IKZF1: variants seen among roughly 807,000 people sequenced by gnomAD.
The protein encoded by IKZF1 is IKAROS family zinc finger 1.
A neutral mutation model predicts 51.7 loss-of-function variants in IKZF1; 10 were observed. The ratio of observed to expected loss-of-function variants is 0.19; its 90% confidence interval spans 0.12 to 0.33. The LOEUF (loss-of-function observed/expected upper bound fraction) is 0.33. Ranked by LOEUF, IKZF1 falls within the 10% of genes least tolerant of loss-of-function variation. The pLI is 1.00. For synonymous variants in IKZF1, 280 were observed against 282.3 expected (o/e 0.99, Z 0.08); for missense variants, 484 against 707.5 (o/e 0.68, Z 3.58).
At chr7:50,375,876 A>G (rs1304941140) in intron 3 of IKZF1, among the ~76,000 whole-genome samples, 2 of 152,200 alleles carry the variant, frequency 1.3e-5, no homozygotes, top group Non-Finnish European at 2.9e-5. Flanking sequence ...TTTTTATGTT[A>G]TTTAAGATAA....
intron 5 of IKZF1, among the ~76,000 whole-genome samples, chr7:50,383,188 A>G (rs547607088): frequency 6.6e-6 from 1 of 152,334 alleles, no homozygotes; most frequent in South Asian, 2.1e-4. Flanking sequence ...GCACCCACCC[A>G]GACTGAGCCC....
chr7:50,369,523 GT>G (rs1265527806), intron 3 of IKZF1: 1 of 398,492 alleles, frequency 2.5e-6, no homozygotes, highest in Admixed American at 4.4e-5. Flanking sequence ...TCTCCCCAGT[GT>G]TGGAATTGTG....
rs1237575457 is a variant in IKZF1 at position 50,403,347 on chromosome 7, C to T, written c.*2720C>T. On this transcript the variant is annotated 3_prime_UTR_variant, in exon 8 of 8. Transcript: ENST00000331340. ...ACTTCACACTTTTTTTGCGTAGTTT[C>T]TTCTGTTGTATGATGGCGTGAGTGT... 4.5e-6 allele frequency: 1 copy of T among 222,796 alleles called. No individual in the cohort carries two copies. Among genetic ancestry groups the T allele is most frequent in the Non-Finnish European group, 9.0e-6 (1 of 111,574 alleles). 13.8% of individuals were successfully genotyped at this position (222,796 alleles called of 1,614,324 possible).
At chr7:50,363,992 G>T (rs1806047553) in intron 3 of IKZF1, among the ~76,000 whole-genome samples, 1 of 152,152 alleles carries the variant, frequency 6.6e-6, no homozygotes, top group Non-Finnish European at 1.5e-5. Context: ...TCTCACTGTG[G>T]CTAACAGGTT....
intron 3 of IKZF1, among the ~76,000 whole-genome samples, chr7:50,342,483 C>T (rs1175280639): frequency 2.0e-5 from 3 of 152,208 alleles, no homozygotes; most frequent in Admixed American, 2.0e-4. Flanking sequence ...TCCCAGAGAG[C>T]GCCCTTGAGG....
chr7:50,324,463 T>C (rs1337283915), intron 2 of IKZF1, among the ~76,000 whole-genome samples: 1 of 152,220 alleles, frequency 6.6e-6, no homozygotes, highest in Non-Finnish European at 1.5e-5. Flanking sequence ...ATACCAAGAC[T>C]GATTTTTTAT....
rs1448974080 is a variant in IKZF1, at chr7:50,400,300, C to T, written c.1233C>T (p.Leu411=). The T allele has an allele frequency of 6.2e-7, 1 of 1,613,042 alleles. No homozygotes were observed. The highest frequency in any genetic ancestry group is 1.1e-5 in the South Asian group (1 of 91,054). ...ESNNEEQRSG[L]IYLTNHIAPH... ...ACAACGAGGAGCAGCGCAGCGGTCT[C>T]ATCTACCTGACCAACCACATCGCCC... is the stretch of plus-strand genomic sequence containing the variant. The change falls in exon 8 of 8, where the codon CTC becomes CTT. Residue 411 remains leucine (L), a synonymous_variant. Transcript: ENST00000331340. The surrounding 1 kb of genome is among the most constrained non-coding windows in gnomAD (Gnocchi z 5.4).
chr7:50,375,276 T>A (rs1809891306), intron 3 of IKZF1, among the ~76,000 whole-genome samples: 1 of 151,652 alleles, frequency 6.6e-6, no homozygotes, highest in African/African-American at 2.4e-5. Context: ...CAAAAAAAAA[T>A]GGCTGGATGT....
intron 3 of IKZF1, among the ~76,000 whole-genome samples, chr7:50,360,821 G>A (rs1245081445): frequency 6.6e-6 from 1 of 152,214 alleles, no homozygotes; most frequent in African/African-American, 2.4e-5. Flanking sequence ...ATCACCATGT[G>A]GCTCTGCCCG....
At chr7:50,373,030 A>G (rs1035528553) in intron 3 of IKZF1, among the ~76,000 whole-genome samples, 1 of 152,196 alleles carries the variant, frequency 6.6e-6, no homozygotes, top group African/African-American at 2.4e-5. Flanking sequence ...GCTAACAAGG[A>G]CAGAGTACTG....
chr7:50,359,613 C>T (rs538085070), intron 3 of IKZF1, among the ~76,000 whole-genome samples: 8 of 152,326 alleles, frequency 5.3e-5, no homozygotes, highest in African/African-American at 7.2e-5. Flanking sequence ...GTAGAAAGGG[C>T]GATCTCTGTG....
chr7:50,317,201 T>C (rs1791794240), intron 1 of IKZF1, among the ~76,000 whole-genome samples: 1 of 152,250 alleles, frequency 6.6e-6, no homozygotes, highest in Non-Finnish European at 1.5e-5. Context: ...CGTGTTGTTA[T>C]AGTTGCTGTG....
chr7:50,394,104 CTGA>C, intron 7 of IKZF1: 1 of 232,684 alleles, frequency 4.3e-6, no homozygotes, highest in Non-Finnish European at 8.5e-6. Flanking sequence ...ACACAGTGCT[CTGA>C]TGAGGCAAAG....
rs757113257 is a variant in IKZF1 at position 50,399,893 on chromosome 7, A to T, written c.851-25A>T. 8.8e-6 allele frequency: 14 copies of T among 1,595,054 alleles called. No individual in the cohort carries two copies. The East Asian group carries it at 3.2e-4, about 36-fold the overall frequency. On this transcript the variant is annotated intron_variant, in intron 7 of 7. Transcript: ENST00000331340. The stretch of plus-strand genomic sequence containing the variant: ...CCGGTTCCGGAGGTGGCCGCGCCCC[A>T]CTCACTGTCGCCTGCTTTCCACAGG...
At chr7:50,311,456 G>T (rs1443219587) in intron 1 of IKZF1, among the ~76,000 whole-genome samples, 1 of 152,192 alleles carries the variant, frequency 6.6e-6, no homozygotes, top group African/African-American at 2.4e-5. Context: ...TGTGTCCTCA[G>T]TGGGCCAATC....
At chr7:50,388,976 T>C (rs748949169) in intron 6 of IKZF1, among the ~76,000 whole-genome samples, 3 of 152,174 alleles carry the variant, frequency 2.0e-5, no homozygotes, top group Non-Finnish European at 2.9e-5. Context: ...ACACATAGAA[T>C]TGAAAAGACA....
chr7:50,371,017 A>G (rs553519439), intron 3 of IKZF1, among the ~76,000 whole-genome samples: 1 of 152,334 alleles, frequency 6.6e-6, no homozygotes, highest in South Asian at 2.1e-4. Context: ...CAAATGTTCC[A>G]TAGAGACAGC....
Position 50,401,139 on chromosome 7 carries a change from G to T in IKZF1, c.*512G>T. 4.0e-6 allele frequency: 1 copy of T among 248,620 alleles called. No homozygotes were observed. The highest frequency in any genetic ancestry group is 1.4e-4 in the South Asian group (1 of 6,952). The allele number at this position is 248,620 out of a possible 1,614,324, so 15.4% of individuals were successfully genotyped here. A position where few individuals can be genotyped will look rare whatever the true frequency, so the allele number is the denominator to read the frequency against. ...GCCACCCAAGTGCCAAGACACAGCA[G>T]GGCCAACAACCTGTGCCCAGGCCAG... On this transcript the variant is annotated 3_prime_UTR_variant, in exon 8 of 8. Transcript: ENST00000331340.
At chr7:50,318,822 C>T (rs1466314892) in intron 1 of IKZF1, among the ~76,000 whole-genome samples, 1 of 152,042 alleles carries the variant, frequency 6.6e-6, no homozygotes, top group Non-Finnish European at 1.5e-5. Flanking sequence ...AAATTTGGTC[C>T]TCCTGTGCTT....
Sources: gnomAD v4.1 joint callset for allele counts (sites outside exome capture counted in the v4.1 genomes callset) on GRCh38, gnomAD v4.1.1 for gene constraint, Gnocchi (gnomAD v3.1) non-coding constraint, MANE v1.5 for transcripts, NCBI Gene and HGNC (gene_info 2026-07-23, HGNC 2026-07-21) for gene names.